LARP1: variants seen among roughly 807,000 people sequenced by gnomAD.
The protein encoded by LARP1 is la-related protein 1.
Under a neutral mutation model 122.7 loss-of-function variants are expected in LARP1, and 36 were observed. The ratio of observed to expected loss-of-function variants is 0.29; its 90% confidence interval spans 0.22 to 0.39. The LOEUF is 0.39. LARP1 is among the 10% of genes least tolerant of loss of function. The pLI is 1.00. For synonymous variants in LARP1, 539 were observed against 528.7 expected (o/e 1.02, Z -0.27); for missense variants, 1,040 against 1,403.6 (o/e 0.74, Z 4.14).
At chr5:154,739,197 T>A (rs913225857) in intron 1 of LARP1, among the ~76,000 whole-genome samples, 1 of 152,056 alleles carries the variant, frequency 6.6e-6, no homozygotes, top group Non-Finnish European at 1.5e-5. Context: ...TTGTATTTTT[T>A]TTTTAGTAGA....
rs1201712547 is a variant in LARP1, at chr5:154,802,437, G to T, written c.2109+38G>T. ...CATAGCAGTGAGTGTGGAGCCTGGT[G>T]TGCCTGTATTGTACGGAGAAGAGGA... On this transcript the variant is annotated intron_variant, in intron 11 of 18. Transcript: ENST00000518297. This position sits in a 1 kb window ranked among gnomAD's most constrained non-coding sequence, Gnocchi z 5.1. The T allele has an allele frequency of 6.5e-7, 1 of 1,546,434 alleles. No homozygotes were observed. The highest frequency in any genetic ancestry group is 1.2e-5 in the South Asian group (1 of 81,068).
intron 1 of LARP1, among the ~76,000 whole-genome samples, chr5:154,748,621 G>A (rs1402647135): frequency 6.6e-6 from 1 of 152,094 alleles, no homozygotes; most frequent in African/African-American, 2.4e-5. Flanking sequence ...AGGCATTATC[G>A]GTAATAATAA....
intron 1 of LARP1, among the ~76,000 whole-genome samples, chr5:154,743,457 C>T (rs992679344): frequency 6.6e-6 from 1 of 150,992 alleles, no homozygotes; most frequent in African/African-American, 2.4e-5. Context: ...TACAGGTGCC[C>T]GCCACCATGC....
At chr5:154,730,468 C>A (rs1756487919) in intron 1 of LARP1, among the ~76,000 whole-genome samples, 1 of 150,686 alleles carries the variant, frequency 6.6e-6, no homozygotes, top group African/African-American at 2.4e-5. Context: ...TCACCAAGTG[C>A]TTATATTCTT....
In LARP1 at chr5:154,815,279, C is replaced by T. The variant is rs1421354975; in HGVS notation, c.*1183C>T. The T allele has an allele frequency of 1.3e-5, 2 of 152,518 alleles. No individual in the cohort carries two copies. The highest frequency in any genetic ancestry group is 4.8e-5 in the African/African-American group (2 of 41,396). The allele number at this position is 152,518 out of a possible 1,614,324, so 9.4% of individuals were successfully genotyped here. On this transcript the variant is annotated 3_prime_UTR_variant, in exon 19 of 19. Transcript: ENST00000518297. ...CACTGCTGCCACTGTTGTGTCCTCG[C>T]TCTGCTTGCTGTTGCCTCACGCCAG... is the stretch of plus-strand genomic sequence containing the variant.
At chr5:154,787,415 TGTGTGCAC>T (rs1351967728) in intron 1 of LARP1, among the ~76,000 whole-genome samples, 6 of 152,322 alleles carry the variant, frequency 3.9e-5, no homozygotes, top group African/African-American at 1.4e-4. Context: ...TGTGTGTACC[TGTGTGCAC>T]GTGTGCACAC....
At chr5:154,721,374 G>T (rs1257978387) in intron 1 of LARP1, among the ~76,000 whole-genome samples, 5 of 147,228 alleles carry the variant, frequency 3.4e-5, no homozygotes, top group Non-Finnish European at 7.4e-5. Context: ...AAAAAAAAGT[G>T]TCAGGGATTC....
rs2113833011 is a variant in LARP1 at position 154,802,033 on chromosome 5, C to T, written c.1743C>T (p.His581=). The T allele has an allele frequency of 1.2e-6, 2 of 1,613,556 alleles. No homozygotes were observed. Among genetic ancestry groups the T allele is most frequent in the East Asian group, 2.2e-5 (1 of 44,876 alleles). ...AGTCAGAGGAGTCCAGATTTTCCCACCTGACCTCTCTGCCTCAGCAGCTGC... is the reference window on the plus strand; with the variant it reads ...AGTCAGAGGAGTCCAGATTTTCCCATCTGACCTCTCTGCCTCAGCAGCTGC... The part of the protein sequence containing the change: ...PKKSEESRFS[H]LTSLPQQLPS... The change falls in exon 11 of 19, where the codon CAC becomes CAT. Residue 581 remains histidine, a synonymous_variant. Transcript: ENST00000518297. The surrounding 1 kb of genome is among the most constrained non-coding windows in gnomAD (Gnocchi z 5.1).
upstream of LARP1, among the ~76,000 whole-genome samples, chr5:154,755,190 A>C (rs1047753779): frequency 2.0e-5 from 3 of 149,830 alleles, no homozygotes; most frequent in Non-Finnish European, 4.5e-5. Context: ...GGCGAGGGGC[A>C]GGACCGCGTA....
At chr5:154,691,580 C>T (rs189410169) in intron 1 of LARP1, among the ~76,000 whole-genome samples, 1 of 152,302 alleles carries the variant, frequency 6.6e-6, no homozygotes, top group Non-Finnish European at 1.5e-5. Context: ...GCTCCGGGAT[C>T]CTGCGGAGAC....
At chr5:154,762,732 T>G (rs1754560693) in intron 1 of LARP1, among the ~76,000 whole-genome samples, 2 of 152,218 alleles carry the variant, frequency 1.3e-5, no homozygotes, top group Non-Finnish European at 2.9e-5. Flanking sequence ...CAGGCCACTT[T>G]GTAATTATTC....
rs576286404 is a variant in LARP1, at chr5:154,765,594, A to G, written c.436+9401A>G. ...TTTTTTGTAGGAATGGGGTCTCACT[A>G]TGTTGCCCAGGCTGGTCTTAAACTC... On this transcript the variant is annotated intron_variant, in intron 1 of 18. Transcript: ENST00000518297. Among the ~76,000 whole-genome samples, 14 of 152,182 alleles carry G rather than the reference A, an allele frequency of 9.2e-5. No individual in the cohort carries two copies. The East Asian group carries it at 1.7e-3, about 19-fold the overall frequency.
Position 154,760,328 on chromosome 5 carries a change from G to A in LARP1, c.436+4135G>A, listed in dbSNP as rs78841109. 5.1e-3 allele frequency among the ~76,000 whole-genome samples: 775 copies of A among 152,298 alleles called. 2 individuals carry two copies. Among genetic ancestry groups the A allele is most frequent in the African/African-American group, 0.018 (730 of 41,558 alleles). ...TTTCTCTGTGCCTGTTTCTTCGTCT[G>A]TAAAATCAGGGTATTAGACTAGGTC... is the stretch of plus-strand genomic sequence containing the variant. On this transcript the variant is annotated intron_variant, in intron 1 of 18. Coordinates refer to ENST00000518297, the MANE Select transcript of LARP1 (RefSeq NM_033551.3).
intron 9 of LARP1, 34 bp downstream of exon 9, chr5:154,799,793 C>A (rs752990116): frequency 1.2e-6 from 2 of 1,612,820 alleles, no homozygotes; most frequent in East Asian, 4.5e-5. Context: ...TTGCCCTTGT[C>A]CTCTGGGCAA....
At chr5:154,787,980 A>G (rs933908373) in intron 1 of LARP1, among the ~76,000 whole-genome samples, 22 of 152,226 alleles carry the variant, frequency 1.4e-4, no homozygotes, top group South Asian at 4.1e-4. Flanking sequence ...GTCTTCAGGA[A>G]TACCTTGCCC....
At chr5:154,811,002 T>C (rs1238770067) in intron 16 of LARP1, among the ~76,000 whole-genome samples, 2 of 152,180 alleles carry the variant, frequency 1.3e-5, no homozygotes, top group Non-Finnish European at 2.9e-5. Context: ...CCATAGATAC[T>C]TCATAAAAGA....
intron 1 of LARP1, among the ~76,000 whole-genome samples, chr5:154,778,051 G>C (rs546253612): frequency 1.8e-4 from 27 of 152,176 alleles, no homozygotes; most frequent in African/African-American, 6.5e-4. Context: ...CACAAGTTCA[G>C]GAGATCGAGA....
At chr5:154,741,218 C>T (rs1267820207) in intron 1 of LARP1, among the ~76,000 whole-genome samples, 1 of 152,214 alleles carries the variant, frequency 6.6e-6, no homozygotes, top group Admixed American at 6.5e-5. Context: ...CATAGAGCTG[C>T]AGTCAGAACG....
At chr5:154,726,466 G>A (rs904342757) in intron 1 of LARP1, among the ~76,000 whole-genome samples, 2 of 152,138 alleles carry the variant, frequency 1.3e-5, no homozygotes, top group African/African-American at 4.8e-5. Flanking sequence ...GCCCATAGGA[G>A]ATCCAGATTT....
Sources: gnomAD v4.1 joint callset for allele counts (sites outside exome capture counted in the v4.1 genomes callset) on GRCh38, gnomAD v4.1.1 for gene constraint, Gnocchi (gnomAD v3.1) non-coding constraint, MANE v1.5 for transcripts, NCBI Gene and HGNC (gene_info 2026-07-23, HGNC 2026-07-21) for gene names.